NKIRAS1: variants seen among roughly 807,000 people sequenced by gnomAD.
The protein encoded by NKIRAS1 is NFKB inhibitor interacting Ras like 1.
A neutral mutation model predicts 19.8 loss-of-function variants in NKIRAS1; 16 were observed. That is an observed-to-expected ratio of 0.81 (90% CI 0.55 to 1.23). NKIRAS1 has a LOEUF of 1.23. Ranked by LOEUF, NKIRAS1 falls within the 50% of genes most tolerant of loss-of-function variation. The pLI, the probability that NKIRAS1 is intolerant of heterozygous loss-of-function variation, is 0.00. For synonymous variants in NKIRAS1, 88 were observed against 79.0 expected (o/e 1.11, Z -0.61); for missense variants, 184 against 220.0 (o/e 0.84, Z 1.04).
chr3:23,909,375 A>T (rs1192405591), intron 3 of NKIRAS1, among the ~76,000 whole-genome samples: 2 of 152,074 alleles, frequency 1.3e-5, no homozygotes, highest in Non-Finnish European at 2.9e-5. Flanking sequence ...AAAAATACAA[A>T]AATTAGCCAG....
At chr3:23,901,078 T>A (rs770294541) in intron 3 of NKIRAS1, 29 bp from the exon 4 acceptor site, 8 of 1,610,596 alleles carry the variant, frequency 5.0e-6, no homozygotes, top group Non-Finnish European at 6.8e-6. Flanking sequence ...ATTACTCTTT[T>A]TGGCTAAGTC....
chr3:23,914,895 G>A (rs1293121871), intron 1 of NKIRAS1, among the ~76,000 whole-genome samples: 1 of 152,138 alleles, frequency 6.6e-6, no homozygotes, highest in African/African-American at 2.4e-5. Flanking sequence ...TACGCCCATA[G>A]GCAGCGTACC....
chr3:23,931,005 ACAATATGTATTT>A (rs1428232370), intron 1 of NKIRAS1, among the ~76,000 whole-genome samples: 1 of 152,170 alleles, frequency 6.6e-6, no homozygotes, highest in Non-Finnish European at 1.5e-5. Flanking sequence ...CTACAATAAA[ACAATATGTATTT>A]CAATATGTAA....
Position 23,892,262 on chromosome 3 carries a change from A to G in NKIRAS1, c.*833T>C, listed in dbSNP as rs1164955138. Reference sequence around the variant, plus strand: ...AGAAACAACACAAACTCAGACATCTAAGTCAGATCAAATTAGAGCCCAATA... The same window carrying G: ...AGAAACAACACAAACTCAGACATCTGAGTCAGATCAAATTAGAGCCCAATA... On this transcript the variant is annotated 3_prime_UTR_variant, in exon 5 of 5. Coordinates refer to ENST00000425478, the MANE Select transcript of NKIRAS1 (RefSeq NM_020345.4). 1 of 152,202 alleles carries G rather than the reference A, an allele frequency of 6.6e-6. No individual in the cohort carries two copies. Among genetic ancestry groups the G allele is most frequent in the Non-Finnish European group, 1.5e-5 (1 of 68,026 alleles). The allele number at this position is 152,202 out of a possible 1,614,324, so 9.4% of individuals were successfully genotyped here. A position where few individuals can be genotyped will look rare whatever the true frequency, so the allele number is the denominator to read the frequency against.
intron 4 of NKIRAS1, among the ~76,000 whole-genome samples, chr3:23,896,743 G>C (rs1479882848): frequency 6.6e-6 from 1 of 152,002 alleles, no homozygotes; most frequent in East Asian, 1.9e-4. Context: ...GGAGGCTGAG[G>C]AAGGAGGACT....
chr3:23,936,162 TAGC>T (rs1705390466), intron 1 of NKIRAS1, among the ~76,000 whole-genome samples: 1 of 148,448 alleles, frequency 6.7e-6, no homozygotes, highest in African/African-American at 2.5e-5. Flanking sequence ...ATTCTGAGAA[TAGC>T]AGGTTTGTCC....
chr3:23,935,910 T>C (rs1465608975), intron 1 of NKIRAS1, among the ~76,000 whole-genome samples: 2 of 151,746 alleles, frequency 1.3e-5, no homozygotes, highest in Non-Finnish European at 2.9e-5. Flanking sequence ...CAAAACCTCG[T>C]CTCTACAAAT....
At chr3:23,945,836 A>C (rs1245168626) in intron 1 of NKIRAS1, among the ~76,000 whole-genome samples, 1 of 149,596 alleles carries the variant, frequency 6.7e-6, no homozygotes. Flanking sequence ...CCCCCCCCTC[A>C]CATGGCCCGG....
At chr3:23,918,689 G>A (rs983523766), upstream of NKIRAS1, 14 of 1,302,866 alleles carry the variant, frequency 1.1e-5, no homozygotes. Context: ...TATAAAACAG[G>A]GTTTGTGATT....
rs1575140584 is a variant in NKIRAS1 at position 23,945,693 on chromosome 3, G to A, written c.-140+630C>T. 7 of 747,828 alleles carry A rather than the reference G, an allele frequency of 9.4e-6. No individual in the cohort carries two copies. The East Asian group carries it at 1.8e-4, about 20-fold the overall frequency. The allele number at this position is 747,828 out of a possible 1,614,324, so 46.3% of individuals were successfully genotyped here. ...GGCGGCAGGGGGTGTCCCCATGGCCGGTGGGGCGGGGTGGGCTGCTGCGCG... is the reference window on the plus strand; with the variant it reads ...GGCGGCAGGGGGTGTCCCCATGGCCAGTGGGGCGGGGTGGGCTGCTGCGCG... On this transcript the variant is annotated intron_variant, in intron 1 of 4. Coordinates refer to the NKIRAS1 transcript ENST00000421515.
chr3:23,920,287 A>G (rs537698656), upstream of NKIRAS1: 3 of 985,706 alleles, frequency 3.0e-6, no homozygotes, highest in Admixed American at 6.1e-5. Context: ...GTTGGCTATA[A>G]GTACGTCATT....
intron 3 of NKIRAS1, 49 bp downstream of exon 3, chr3:23,910,759 ACCC>A: frequency 1.5e-6 from 2 of 1,342,978 alleles, no homozygotes; most frequent in Admixed American, 3.4e-5. Flanking sequence ...CCAACAAAAG[ACCC>A]CTGATAGCTC....
At chr3:23,918,261 T>C (rs1704794319), upstream of NKIRAS1, 3 of 898,780 alleles carry the variant, frequency 3.3e-6, no homozygotes, top group Middle Eastern at 3.5e-4. Context: ...ACAGTGTGCC[T>C]CCCTGTGTGA....
chr3:23,890,723 A>G lies in NKIRAS1; in HGVS notation c.*2372T>C, dbSNP rs983669636. 5.8e-6 allele frequency: 5 copies of G among 859,418 alleles called. No homozygotes were observed. The African/African-American group carries it at 7.0e-5, about 12-fold the overall frequency. The allele number at this position is 859,418 out of a possible 1,614,324, so 53.2% of individuals were successfully genotyped here. ...AGAGTAGGGTATTTCTATAACAGAT[A>G]TTATTCAGTCTTATTTCCTAAGATT... On this transcript the variant is annotated 3_prime_UTR_variant, in exon 5 of 5. Transcript: ENST00000425478.
At chr3:23,896,447 G>T (rs9876865) in intron 4 of NKIRAS1, among the ~76,000 whole-genome samples, 113,474 of 151,248 alleles carry the variant, frequency 0.75, 43,122 homozygotes, top group African/African-American at 0.84. Flanking sequence ...AAACCCTGTC[G>T]TCTAAAAATA....
chr3:23,912,099 GGAA>G (rs1703805130), intron 1 of NKIRAS1, among the ~76,000 whole-genome samples: 1 of 152,180 alleles, frequency 6.6e-6, no homozygotes, highest in East Asian at 1.9e-4. Flanking sequence ...TTCTTTTTGA[GGAA>G]GAATAGACAA....
At chr3:23,932,315 A>G (rs1450447232) in intron 1 of NKIRAS1, among the ~76,000 whole-genome samples, 3 of 152,212 alleles carry the variant, frequency 2.0e-5, no homozygotes, top group Non-Finnish European at 4.4e-5. Context: ...ACTAAATGAT[A>G]TACAGAGGTC....
At position 23,900,966 on chromosome 3, in the gene NKIRAS1, A is replaced by G; in HGVS notation, c.178T>C (p.Tyr60His). ...CCTTCCTGTAGACCTCTGGTGTCATAAAGATGTAACTGTTCTTTTACTCCT... is the reference window on the plus strand; with the variant it reads ...CCTTCCTGTAGACCTCTGGTGTCATGAAGATGTAACTGTTCTTTTACTCCT... ...DRGVKEQLHL[Y>H]DTRGLQEGVE... is the part of the protein sequence containing the mutation. The change falls in exon 4 of 5, where the codon TAT becomes CAT. Residue 60 changes from tyrosine to histidine, a missense_variant. Coordinates refer to ENST00000425478, the MANE Select transcript of NKIRAS1 (RefSeq NM_020345.4). 1 of 1,614,188 alleles carries G rather than the reference A, an allele frequency of 6.2e-7. No homozygotes were observed. The highest frequency in any genetic ancestry group is 8.5e-7 in the Non-Finnish European group (1 of 1,180,016).
intron 1 of NKIRAS1, among the ~76,000 whole-genome samples, chr3:23,914,184 A>G (rs1263104406): frequency 6.6e-6 from 1 of 152,156 alleles, no homozygotes; most frequent in Non-Finnish European, 1.5e-5. Flanking sequence ...AAAAAAAAAA[A>G]AACAGAGAGT....
Sources: allele counts gnomAD v4.1 joint callset (sites outside exome capture counted in the v4.1 genomes callset), GRCh38; gene constraint gnomAD v4.1.1; transcripts MANE v1.5; gene names NCBI Gene and HGNC (gene_info 2026-07-23, HGNC 2026-07-21).